The following VPS41 variants were observed in gnomAD, a reference collection of about 807,000 sequenced individuals.
The protein encoded by VPS41 is vacuolar protein sorting-associated protein 41 homolog.
Under a neutral mutation model 130.9 loss-of-function variants are expected in VPS41, and 85 were observed. That is an observed-to-expected ratio of 0.65 (90% CI 0.55 to 0.78). VPS41 has a LOEUF of 0.78. Among genes scored for constraint, VPS41 ranks in the 30% least tolerant of loss-of-function variants. The pLI is 0.00. For synonymous variants in VPS41, 335 were observed against 332.9 expected, an observed-to-expected ratio of 1.01 and a Z score of -0.07; for missense variants, 874 against 1,018.7, an observed-to-expected ratio of 0.86 and a Z score of 1.93.
intron 25 of VPS41, among the ~76,000 whole-genome samples, chr7:38,739,515 T>G (rs1795841713): frequency 6.6e-6 from 1 of 152,220 alleles, no homozygotes; most frequent in South Asian, 2.1e-4. Flanking sequence ...AGGAAACACA[T>G]TAAGCGGTCA....
chr7:38,821,206 A>G lies in VPS41; in HGVS notation c.381T>C (p.Ile127=). Reference sequence around the variant, plus strand: ...GTAAAACTTGCTGAATACTTACTTTAATGGGACAGTCAAAAGTCTCGTGAA... The same window carrying G: ...GTAAAACTTGCTGAATACTTACTTTGATGGGACAGTCAAAAGTCTCGTGAA... ...EEFHETFDCP[I]KIIAVHPHFV... The change falls in exon 6 of 29, where the codon ATT becomes ATC. Residue 127 remains isoleucine, a synonymous_variant. Transcript: ENST00000310301. The G allele has an allele frequency of 1.2e-6, 2 of 1,613,266 alleles. No homozygotes were observed. Among genetic ancestry groups the G allele is most frequent in the East Asian group, 2.2e-5 (1 of 44,852 alleles).
At chr7:38,890,300 T>C (rs145956831) in intron 2 of VPS41, among the ~76,000 whole-genome samples, 199 of 152,350 alleles carry the variant, frequency 1.3e-3, no homozygotes, top group African/African-American at 4.6e-3. Flanking sequence ...ACGCTCTATA[T>C]GGTTCTATGC....
At chr7:38,803,349 T>A (rs1157885903) in intron 7 of VPS41, among the ~76,000 whole-genome samples, 1 of 152,222 alleles carries the variant, frequency 6.6e-6, no homozygotes, top group Non-Finnish European at 1.5e-5. Flanking sequence ...CCTTCAGGCT[T>A]CCTAAATACT....
intron 25 of VPS41, among the ~76,000 whole-genome samples, chr7:38,731,781 T>C (rs1250107537): frequency 2.4e-5 from 2 of 84,436 alleles, no homozygotes; most frequent in Non-Finnish European, 6.4e-5. Context: ...AAATATGAAA[T>C]ATTAAAAAAA....
At chr7:38,754,326 T>C (rs1297406670) in intron 21 of VPS41, among the ~76,000 whole-genome samples, 1 of 152,216 alleles carries the variant, frequency 6.6e-6, no homozygotes, top group African/African-American at 2.4e-5. Flanking sequence ...ATGGTTATAT[T>C]TAATGGCAAC....
chr7:38,767,517 T>C lies in VPS41; in HGVS notation c.1247+20A>G. 1 of 1,551,202 alleles carries C rather than the reference T, an allele frequency of 6.4e-7. No individual in the cohort carries two copies. Among genetic ancestry groups the C allele is most frequent in the Non-Finnish European group, 8.8e-7 (1 of 1,135,408 alleles). ...AATTCTATTTATATTAACAAATAAT[T>C]GTGAAAATGTCATCATTACCGTGCT... On this transcript the variant is annotated intron_variant, in intron 15 of 28. Transcript: ENST00000310301.
intron 7 of VPS41, among the ~76,000 whole-genome samples, chr7:38,814,983 A>G (rs1785013883): frequency 6.6e-6 from 1 of 152,184 alleles, no homozygotes; most frequent in Admixed American, 6.5e-5. Context: ...CAATATCCCA[A>G]TTGAACCCTC....
At chr7:38,764,475 G>T (rs1380881535) in intron 16 of VPS41, among the ~76,000 whole-genome samples, 1 of 152,154 alleles carries the variant, frequency 6.6e-6, no homozygotes, top group Admixed American at 6.6e-5. Flanking sequence ...AGGTATTAGG[G>T]AAGTGAGAGT....
At chr7:38,817,532 C>G (rs1785077599) in intron 7 of VPS41, among the ~76,000 whole-genome samples, 3 of 152,146 alleles carry the variant, frequency 2.0e-5, no homozygotes, top group African/African-American at 7.2e-5. Context: ...GCAGGAGAAC[C>G]ACTTGAACCC....
At chr7:38,734,417 C>T (rs796357221) in intron 25 of VPS41, among the ~76,000 whole-genome samples, 2 of 152,152 alleles carry the variant, frequency 1.3e-5, no homozygotes, top group South Asian at 4.1e-4. Flanking sequence ...TTGAAGTCAA[C>T]CAGCTATGGC....
chr7:38,761,473 C>T (rs1199603541), intron 17 of VPS41, among the ~76,000 whole-genome samples: 2 of 149,682 alleles, frequency 1.3e-5, no homozygotes, highest in Middle Eastern at 3.5e-3. Context: ...TTAGTAGAGA[C>T]GGGGTTTAAC....
chr7:38,805,645 C>T (rs1229363184), intron 7 of VPS41, among the ~76,000 whole-genome samples: 1 of 151,684 alleles, frequency 6.6e-6, no homozygotes, highest in Admixed American at 6.6e-5. Context: ...CATTATAATC[C>T]ACTTTCTTAC....
Position 38,772,497 on chromosome 7 carries a change from TTCAAAGAAGTAAAA to T in VPS41, c.1128+11_1128+24del. ...TCTATGCTGTAGATGAGTCAATACT[TTCAAAGAAGTAAAA>T]TCAAGGGTACTTCATATTTCTTCTT... On this transcript the variant is annotated intron_variant, in intron 13 of 28. Coordinates refer to ENST00000310301, the MANE Select transcript of VPS41 (RefSeq NM_014396.4). 11 of 1,483,056 alleles carry T rather than the reference TTCAAAGAAGTAAAA, an allele frequency of 7.4e-6. No individual in the cohort carries two copies. Among genetic ancestry groups the T allele is most frequent in the Non-Finnish European group, 1.0e-5 (11 of 1,063,008 alleles). 91.9% of individuals were successfully genotyped at this position (1,483,056 alleles called of 1,614,324 possible).
rs893757754 is a variant in VPS41 at position 38,814,787 on chromosome 7, T to A, written c.450+3030A>T. Among the ~76,000 whole-genome samples, 5 of 152,312 alleles carry A rather than the reference T, an allele frequency of 3.3e-5. No homozygotes were observed. In the South Asian group the frequency reaches 1.0e-3, roughly 32 times the overall value. ...CTTTTATTCTAATACCTTCAAGAAA[T>A]AGGGGACAACTGTAAAATCTCTAAC... On this transcript the variant is annotated intron_variant, in intron 7 of 28. Coordinates refer to ENST00000310301, the MANE Select transcript of VPS41 (RefSeq NM_014396.4).
At chr7:38,842,649 T>C (rs1273865609) in intron 4 of VPS41, among the ~76,000 whole-genome samples, 1 of 152,240 alleles carries the variant, frequency 6.6e-6, no homozygotes, top group African/African-American at 2.4e-5. Context: ...ACATCCTGGT[T>C]TTTTGAAATG....
intron 7 of VPS41, among the ~76,000 whole-genome samples, chr7:38,799,431 C>T (rs930237336): frequency 6.6e-6 from 1 of 151,842 alleles, no homozygotes; most frequent in African/African-American, 2.4e-5. Flanking sequence ...ATACTATAAA[C>T]CTAAACTTTA....
At chr7:38,776,145 T>A (rs950585166) in intron 11 of VPS41, among the ~76,000 whole-genome samples, 1 of 152,188 alleles carries the variant, frequency 6.6e-6, no homozygotes, top group Non-Finnish European at 1.5e-5. Flanking sequence ...TGCTTTTTAT[T>A]AGCCACAGAT....
chr7:38,742,160 C>T, intron 24 of VPS41, 39 bp from the exon 25 acceptor site: 1 of 1,527,622 alleles, frequency 6.5e-7, no homozygotes, highest in Non-Finnish European at 8.8e-7. Flanking sequence ...ATATAAGCAA[C>T]ATTATAATGC....
At chr7:38,850,150 G>A (rs141501965) in intron 4 of VPS41, among the ~76,000 whole-genome samples, 1 of 152,330 alleles carries the variant, frequency 6.6e-6, no homozygotes, top group East Asian at 1.9e-4. Context: ...TTCCACCCTG[G>A]AGGACAGCTC....
Sources: gnomAD v4.1 joint callset for allele counts (sites outside exome capture counted in the v4.1 genomes callset) on GRCh38, gnomAD v4.1.1 for gene constraint, MANE v1.5 for transcripts, NCBI Gene and HGNC (gene_info 2026-07-23, HGNC 2026-07-21) for gene names.